DLC1: variants seen among roughly 807,000 people sequenced by gnomAD.
DLC1 encodes DLC1 Rho GTPase activating protein.
In DLC1, 54 loss-of-function variants were observed where a neutral mutation model predicts 140.3. That is an observed-to-expected ratio of 0.38 (90% CI 0.31 to 0.48). DLC1 has a LOEUF of 0.48. Ranked by LOEUF, DLC1 falls within the 20% of genes least tolerant of loss-of-function variation. The pLI is 0.96. For missense variants in DLC1, 2,536 were observed against 1,907.0 expected, an observed-to-expected ratio of 1.33 and a Z score of -6.14; for synonymous variants, 986 against 728.1, an observed-to-expected ratio of 1.35 and a Z score of -5.70.
At chr8:13,388,031 A>C (rs1836598679) in intron 4 of DLC1, among the ~76,000 whole-genome samples, 1 of 152,018 alleles carries the variant, frequency 6.6e-6, no homozygotes, top group Non-Finnish European at 1.5e-5. Flanking sequence ...ATGTAAAACC[A>C]TGCATACATA....
intron 4 of DLC1, among the ~76,000 whole-genome samples, chr8:13,349,434 A>C (rs554958853): frequency 6.6e-5 from 10 of 152,196 alleles, no homozygotes; most frequent in African/African-American, 2.4e-4. Flanking sequence ...TAAAAAATGG[A>C]AGCAAAGGTA....
chr8:13,339,565 G>A (rs1393688794), intron 4 of DLC1: 1 of 152,184 alleles, frequency 6.6e-6, no homozygotes, highest in Non-Finnish European at 1.5e-5. Context: ...AGGACACAGG[G>A]CAGAGATGCC....
intron 2 of DLC1, among the ~76,000 whole-genome samples, chr8:13,424,732 T>C (rs906782131): frequency 3.3e-5 from 5 of 151,998 alleles, no homozygotes; most frequent in East Asian, 3.9e-4. Context: ...ACCACCTCGC[T>C]TGGCTAATTT....
At chr8:13,375,584 G>A (rs1729183) in intron 4 of DLC1, among the ~76,000 whole-genome samples, 3,932 of 152,174 alleles carry the variant, frequency 0.026, 156 homozygotes, top group African/African-American at 0.09. Flanking sequence ...CCTGTCTTGT[G>A]CCATTTTTCA....
chr8:13,125,944 T>G lies in DLC1; in HGVS notation c.1349-10287A>C, dbSNP rs139382895. Among the ~76,000 whole-genome samples the G allele has an allele frequency of 6.5e-3, 989 of 152,222 alleles. 59 individuals are homozygous for G. The highest frequency in any genetic ancestry group is 0.059 in the Admixed American group (904 of 15,278). On this transcript the variant is annotated intron_variant, in intron 5 of 17. Transcript: ENST00000276297. ...CAAGCCTATACCTGGGGTGAAGCCC[T>G]GCAAGTGACACTTTAGCCATGTAGA...
intron 5 of DLC1, among the ~76,000 whole-genome samples, chr8:13,174,901 G>C (rs1300351210): frequency 6.6e-6 from 1 of 152,062 alleles, no homozygotes; most frequent in Non-Finnish European, 1.5e-5. Flanking sequence ...TGTTGCAATT[G>C]ATTTTGAGGA....
chr8:13,312,378 A>AT (rs1832707357), intron 4 of DLC1, among the ~76,000 whole-genome samples: 2 of 115,204 alleles, frequency 1.7e-5, no homozygotes, highest in African/African-American at 3.6e-5. Context: ...AAAAAAAAAA[A>AT]AAAAAAAAAA....
intron 5 of DLC1, chr8:13,276,516 G>A (rs905379455): frequency 2.3e-6 from 3 of 1,302,164 alleles, no homozygotes; most frequent in Non-Finnish European, 2.9e-6. Flanking sequence ...CGGCATTGCG[G>A]CTGGCACTGC....
chr8:13,148,959 A>C (rs1823621565), intron 5 of DLC1, among the ~76,000 whole-genome samples: 1 of 151,898 alleles, frequency 6.6e-6, no homozygotes, highest in Admixed American at 6.6e-5. Context: ...CGCCCGGCTA[A>C]TTTTTTGTAT....
At chr8:13,263,648 AATAG>A (rs1830558527) in intron 5 of DLC1, among the ~76,000 whole-genome samples, 2 of 151,242 alleles carry the variant, frequency 1.3e-5, no homozygotes, top group Non-Finnish European at 2.9e-5. Context: ...ATGTATATAT[AATAG>A]ATAAAAATAT....
At chr8:13,463,386 A>C (rs1413907967) in intron 2 of DLC1, among the ~76,000 whole-genome samples, 1 of 152,210 alleles carries the variant, frequency 6.6e-6, no homozygotes, top group Non-Finnish European at 1.5e-5. Context: ...TTTAAAAATA[A>C]GACCTGTTAG....
chr8:13,542,920 G>C (rs1803536071), intron 1 of DLC1, among the ~76,000 whole-genome samples: 2 of 152,026 alleles, frequency 1.3e-5, no homozygotes, highest in South Asian at 4.1e-4. Context: ...ACTGAAGATA[G>C]TTTTATTTCA....
chr8:13,512,819 G>A (rs1001756120), intron 1 of DLC1, among the ~76,000 whole-genome samples: 1 of 151,964 alleles, frequency 6.6e-6, no homozygotes. Flanking sequence ...CATATGGATT[G>A]ATTTTCTTGA....
At chr8:13,220,167 A>C (rs1375206076) in intron 5 of DLC1, among the ~76,000 whole-genome samples, 2 of 152,208 alleles carry the variant, frequency 1.3e-5, no homozygotes. Flanking sequence ...TAAAATGATT[A>C]AAATGGTGAA....
intron 2 of DLC1, among the ~76,000 whole-genome samples, chr8:13,464,680 C>A (rs997995036): frequency 6.7e-6 from 1 of 148,190 alleles, no homozygotes; most frequent in African/African-American, 2.5e-5. Flanking sequence ...AATGGAATAA[C>A]CCTCCACTAA....
chr8:13,514,258 T>C (rs1365321499), intron 1 of DLC1, among the ~76,000 whole-genome samples: 3 of 152,178 alleles, frequency 2.0e-5, no homozygotes, highest in Non-Finnish European at 4.4e-5. Context: ...CTCACACTGA[T>C]GTGTGAGAAA....
At chr8:13,538,775 C>T (rs2117325374) in intron 1 of DLC1, among the ~76,000 whole-genome samples, 1 of 152,330 alleles carries the variant, frequency 6.6e-6, no homozygotes, top group Non-Finnish European at 1.5e-5. Context: ...CAAGCTCAGA[C>T]TGCTGACTCC....
intron 1 of DLC1, among the ~76,000 whole-genome samples, chr8:13,508,373 A>G (rs140097703): frequency 1.8e-4 from 27 of 152,162 alleles, no homozygotes; most frequent in Non-Finnish European, 3.1e-4. Context: ...CCCAGAATTA[A>G]CAGAGCCATG....
intron 5 of DLC1, among the ~76,000 whole-genome samples, chr8:13,286,033 T>C (rs560415811): frequency 1.4e-4 from 22 of 152,320 alleles, no homozygotes; most frequent in Non-Finnish European, 2.9e-4. Context: ...TACAGTGTTA[T>C]TATCTGTAAT....
Sources: allele counts gnomAD v4.1 joint callset (sites outside exome capture counted in the v4.1 genomes callset), GRCh38; gene constraint gnomAD v4.1.1; transcripts MANE v1.5; gene names NCBI Gene and HGNC (gene_info 2026-07-23, HGNC 2026-07-21).